The following COX18 variants were observed in gnomAD, a reference collection of about 807,000 sequenced individuals.
COX18 encodes the protein cytochrome c oxidase assembly factor COX18.
In COX18, 45 loss-of-function variants were observed where a neutral mutation model predicts 38.0. That is an observed-to-expected ratio of 1.18 (90% CI 0.93 to 1.52). COX18 has a LOEUF of 1.52. Ranked by LOEUF, COX18 falls within the 40% of genes most tolerant of loss-of-function variation. COX18 has a pLI of 0.00. For synonymous variants in COX18, 177 were observed against 169.8 expected, an observed-to-expected ratio of 1.04 and a Z score of -0.33; for missense variants, 462 against 423.8, an observed-to-expected ratio of 1.09 and a Z score of -0.79.
At chr4:73,066,756 T>C (rs1183279597) in intron 2 of COX18, among the ~76,000 whole-genome samples, 1 of 152,160 alleles carries the variant, frequency 6.6e-6, no homozygotes, top group Non-Finnish European at 1.5e-5. Flanking sequence ...AAGTAAAATT[T>C]CAAACCTATA....
In COX18 at chr4:73,053,653, TA is replaced by T. The variant is rs1201341241; in HGVS notation, c.*4460del. 4 of 152,230 alleles carry T rather than the reference TA, an allele frequency of 2.6e-5. No individual in the cohort carries two copies. The highest frequency in any genetic ancestry group is 9.6e-5 in the African/African-American group (4 of 41,452). 9.4% of individuals were successfully genotyped at this position (152,230 alleles called of 1,614,324 possible). A position where few individuals can be genotyped will look rare whatever the true frequency, so the allele number is the denominator to read the frequency against. On this transcript the variant is annotated 3_prime_UTR_variant, in exon 6 of 6. Coordinates refer to ENST00000507544, the MANE Select transcript of COX18 (RefSeq NM_001297732.2). ...AGATGAAGATATGGTCTTTAGCTCTTAAGTGCTGTTAAAGGTACCTGAAAAG... is the reference window on the plus strand; with the variant it reads ...AGATGAAGATATGGTCTTTAGCTCTTAGTGCTGTTAAAGGTACCTGAAAAG...
chr4:73,053,999 C>A lies in COX18; in HGVS notation c.*4115G>T, dbSNP rs991689956. 3.3e-5 allele frequency: 5 copies of A among 152,214 alleles called. No individual in the cohort carries two copies. The highest frequency in any genetic ancestry group is 4.8e-5 in the African/African-American group (2 of 41,450). 9.4% of individuals were successfully genotyped at this position (152,214 alleles called of 1,614,324 possible). A position where few individuals can be genotyped will look rare whatever the true frequency, so the allele number is the denominator to read the frequency against. On this transcript the variant is annotated 3_prime_UTR_variant, in exon 6 of 6. Coordinates refer to ENST00000507544, the MANE Select transcript of COX18 (RefSeq NM_001297732.2). ...CCTGACTCTTGAAATGAGAAGCATT[C>A]ATTAAGACAGTGAATCTGGCCTAGA...
intron 5 of COX18, among the ~76,000 whole-genome samples, chr4:73,060,491 A>G (rs990310485): frequency 9.2e-5 from 14 of 152,200 alleles, no homozygotes; most frequent in African/African-American, 3.4e-4. Context: ...GAGATGAACA[A>G]ACTTATTCTG....
At chr4:73,058,916 G>A (rs527805823) in intron 5 of COX18, among the ~76,000 whole-genome samples, 13 of 152,096 alleles carry the variant, frequency 8.5e-5, no homozygotes, top group African/African-American at 3.1e-4. Flanking sequence ...TCCATTCCTC[G>A]TATCATGAGG....
chr4:73,068,177 C>A, intron 1 of COX18, 48 bp from the exon 2 acceptor site: 2 of 1,100,060 alleles, frequency 1.8e-6, no homozygotes, highest in South Asian at 1.5e-5. Context: ...GATCTTTATT[C>A]ATAATGACTC....
rs1560467089 is a variant in COX18, at chr4:73,055,558, G to GCATTTGGAGGC, written c.*2545_*2555dup. 6.6e-6 allele frequency: 1 copy of GCATTTGGAGGC among 152,156 alleles called. No individual in the cohort carries two copies. Among genetic ancestry groups the GCATTTGGAGGC allele is most frequent in the Non-Finnish European group, 1.5e-5 (1 of 68,030 alleles). 9.4% of individuals were successfully genotyped at this position (152,156 alleles called of 1,614,324 possible). On this transcript the variant is annotated 3_prime_UTR_variant, in exon 6 of 6. Transcript: ENST00000507544. Reference sequence around the variant, plus strand: ...GAACATCAGAAAGCACTCCAGCAGGGCATTTGGAGGCCATTTTAAACAGTA... The same window carrying GCATTTGGAGGC: ...GAACATCAGAAAGCACTCCAGCAGGGCATTTGGAGGCCATTTGGAGGCCATTTTAAACAGTA...
In COX18 at chr4:73,061,625, G is replaced by A. The variant is rs562632146; in HGVS notation, c.831+188C>T. Among the ~76,000 whole-genome samples, 35 of 151,240 alleles carry A rather than the reference G, an allele frequency of 2.3e-4. No individual in the cohort carries two copies. In the East Asian group the frequency reaches 4.9e-3, roughly 21 times the overall value. ...CAGGACGCTGAGGCCGGAGAATGGCGTGAACCCAGGAGGCGGAGCTTGCAG... is the reference window on the plus strand; with the variant it reads ...CAGGACGCTGAGGCCGGAGAATGGCATGAACCCAGGAGGCGGAGCTTGCAG... On this transcript the variant is annotated intron_variant, in intron 5 of 5. Transcript: ENST00000507544.
intron 5 of COX18, among the ~76,000 whole-genome samples, chr4:73,059,936 C>T (rs1162216532): frequency 6.6e-6 from 1 of 151,914 alleles, no homozygotes; most frequent in Non-Finnish European, 1.5e-5. Context: ...ATTTCCTTGC[C>T]TCTTCTGCAG....
At position 73,055,603 on chromosome 4, in the gene COX18, C is replaced by G. The variant is rs1213404399; in HGVS notation, c.*2511G>C. 1 of 152,080 alleles carries G rather than the reference C, an allele frequency of 6.6e-6. No homozygotes were observed. The highest frequency in any genetic ancestry group is 1.5e-5 in the Non-Finnish European group (1 of 68,006). 9.4% of individuals were successfully genotyped at this position (152,080 alleles called of 1,614,324 possible). ...ACAGTAAAATCACCAACAAAAAGAA[C>G]AGAAATTAGGAAGAGATGGGACTAA... On this transcript the variant is annotated 3_prime_UTR_variant, in exon 6 of 6. Transcript: ENST00000507544.
intron 1 of COX18, among the ~76,000 whole-genome samples, chr4:73,068,388 T>C (rs1390941557): frequency 6.6e-6 from 1 of 152,170 alleles, no homozygotes; most frequent in Non-Finnish European, 1.5e-5. Flanking sequence ...ATAAAATATA[T>C]AACAGCACCT....
At chr4:73,060,071 A>G (rs1720074009) in intron 5 of COX18, among the ~76,000 whole-genome samples, 1 of 152,184 alleles carries the variant, frequency 6.6e-6, no homozygotes, top group South Asian at 2.1e-4. Context: ...AACAAGCTCT[A>G]ACAGCCATGA....
chr4:73,065,521 T>G lies in COX18; in HGVS notation c.435-108A>C, dbSNP rs1267233702. The stretch of plus-strand genomic sequence containing the variant: ...CCTGCTGTAGTTATTAGCTAAAGGA[T>G]TTGTATAAGGGTTTCAGCTGTCACA... On this transcript the variant is annotated intron_variant, in intron 2 of 5. Coordinates refer to ENST00000507544, the MANE Select transcript of COX18 (RefSeq NM_001297732.2). 23 of 958,116 alleles carry G rather than the reference T, an allele frequency of 2.4e-5. No homozygotes were observed. In the East Asian group the frequency reaches 4.0e-4, roughly 17 times the overall value. 59.4% of individuals were successfully genotyped at this position (958,116 alleles called of 1,614,324 possible).
chr4:73,065,007 C>T (rs1720365945), intron 3 of COX18, 105 bp from the exon 4 acceptor site: 1 of 1,141,318 alleles, frequency 8.8e-7, no homozygotes, highest in Non-Finnish European at 1.3e-6. Context: ...GTGTCCCTCA[C>T]AGGAAAGATC....
chr4:73,069,166 C>T lies in COX18; in HGVS notation c.333+151G>A, dbSNP rs1340506689. On this transcript the variant is annotated intron_variant, in intron 1 of 5. Coordinates refer to ENST00000507544, the MANE Select transcript of COX18 (RefSeq NM_001297732.2). ...AATGCTAGTTCAATTTTTTTTAACG[C>T]TAAAATGGTCACAATGAAATGGTCA... 5 of 619,804 alleles carry T rather than the reference C, an allele frequency of 8.1e-6. No individual in the cohort carries two copies. In the East Asian group the frequency reaches 1.5e-4, roughly 18 times the overall value. 38.4% of individuals were successfully genotyped at this position (619,804 alleles called of 1,614,324 possible).
chr4:73,068,060 T>C lies in COX18; in HGVS notation c.403A>G (p.Asn135Asp). 6.2e-7 allele frequency: 1 copy of C among 1,611,496 alleles called. No homozygotes were observed. Among genetic ancestry groups the C allele is most frequent in the Non-Finnish European group, 8.5e-7 (1 of 1,179,106 alleles). The stretch of plus-strand genomic sequence containing the variant: ...TCTCTTTTGGACCACCCCAACTGAT[T>C]TGCACGAACTGCAACTTCTTGGTTA... ...HLNQEVAVRA[N>D]QLGWSKRDAR... The change falls in exon 2 of 6, where the codon AAT becomes GAT. Residue 135 changes from asparagine to aspartate, a missense_variant. Coordinates refer to ENST00000507544, the MANE Select transcript of COX18 (RefSeq NM_001297732.2).
chr4:73,066,400 G>A (rs1221182935), intron 2 of COX18, among the ~76,000 whole-genome samples: 2 of 152,150 alleles, frequency 1.3e-5, no homozygotes, highest in African/African-American at 2.4e-5. Flanking sequence ...TGAAAATGCA[G>A]GAAGCTGGCC....
chr4:73,065,210 T>C (rs768773213), intron 3 of COX18, 40 bp downstream of exon 3: 3 of 1,335,372 alleles, frequency 2.2e-6, no homozygotes, highest in African/African-American at 1.5e-5. Flanking sequence ...ACAAAGACAA[T>C]GTTAGAGAAC....
chr4:73,057,290 G>A lies in COX18; in HGVS notation c.*824C>T, dbSNP rs1327154718. 6.6e-6 allele frequency: 1 copy of A among 152,074 alleles called. No homozygotes were observed. The highest frequency in any genetic ancestry group is 1.5e-5 in the Non-Finnish European group (1 of 68,076). 9.4% of individuals were successfully genotyped at this position (152,074 alleles called of 1,614,324 possible). On this transcript the variant is annotated 3_prime_UTR_variant, in exon 6 of 6. Transcript: ENST00000507544. ...AAAAATACAAAAATTAGCTGGGCGT[G>A]GTGGTGTGCACCTGCAATCCCAGAT...
chr4:73,069,275 G>A (rs1261671860), intron 1 of COX18, 42 bp downstream of exon 1: 1 of 1,392,078 alleles, frequency 7.2e-7, no homozygotes, highest in Non-Finnish European at 9.6e-7. Flanking sequence ...TCCGCCGCAG[G>A]GGTTGCAGCG....
Sources: allele counts gnomAD v4.1 joint callset (sites outside exome capture counted in the v4.1 genomes callset), GRCh38; gene constraint gnomAD v4.1.1; transcripts MANE v1.5; gene names NCBI Gene and HGNC (gene_info 2026-07-23, HGNC 2026-07-21).